Variants in RYR3 observed in about 807,000 individuals in gnomAD.
The protein encoded by RYR3 is brain ryanodine receptor-calcium release channel.
RYR3 carries 207 observed loss-of-function variants against 584.3 expected under a neutral mutation model. That is an observed-to-expected ratio of 0.35 (90% CI 0.32 to 0.40). The LOEUF is 0.40. Ranked by LOEUF, RYR3 falls within the 10% of genes least tolerant of loss-of-function variation. The pLI is 1.00. For synonymous variants in RYR3, 2,416 were observed against 2,248.5 expected, an observed-to-expected ratio of 1.07 and a Z score of -2.11; for missense variants, 5,616 against 6,089.2, an observed-to-expected ratio of 0.92 and a Z score of 2.59.
At position 33,410,751 on chromosome 15, in the gene RYR3, G is replaced by A. The variant is rs924553864; in HGVS notation, c.52-62668G>A. 9.8e-5 allele frequency among the ~76,000 whole-genome samples: 15 copies of A among 152,290 alleles called. No individual in the cohort carries two copies. In the East Asian group the frequency reaches 2.3e-3, roughly 24 times the overall value. On this transcript the variant is annotated intron_variant, in intron 1 of 103. Coordinates refer to ENST00000634891, the MANE Select transcript of RYR3 (RefSeq NM_001036.6). ...GAAGGCCACGAGAGGAACCATGGAC[G>A]CTGTATTAGTCTGTTCTCATGCTCC... is the stretch of plus-strand genomic sequence containing the variant.
Position 33,725,795 on chromosome 15 carries a change from TA to T in RYR3, c.6913-575del, listed in dbSNP as rs3086219. The stretch of plus-strand genomic sequence containing the variant: ...TGACATGATGAAACCCCGTCTCTAC[TA>T]AAAAAAAAAAAAAAATACAAAAAAT... On this transcript the variant is annotated intron_variant, in intron 45 of 103. Coordinates refer to ENST00000634891, the MANE Select transcript of RYR3 (RefSeq NM_001036.6). Among the ~76,000 whole-genome samples the T allele has an allele frequency of 7.2e-4, 94 of 130,440 alleles. 1 individual carries two copies. The highest frequency in any genetic ancestry group is 1.0e-3 in the African/African-American group (36 of 34,826). 85.6% of individuals were successfully genotyped at this position (130,440 alleles called of 152,430 possible). A position where few individuals can be genotyped will look rare whatever the true frequency, so the allele number is the denominator to read the frequency against.
Position 33,563,001 on chromosome 15 carries a change from A to G in RYR3, c.1137A>G (p.Leu379=), listed in dbSNP as rs764952675. ...CCAAAACTTCCCGCCTGGGACCTCT[A>G]AAAAGAAAGGTGAGAGTCAGAATAT... The part of the protein sequence containing the change: ...QDAKTSRLGP[L]KRKVILHQEG... The change falls in exon 11 of 104, where the codon CTA becomes CTG. Residue 379 remains leucine, a synonymous_variant. Transcript: ENST00000634891. 9 of 1,608,658 alleles carry G rather than the reference A, an allele frequency of 5.6e-6. No individual in the cohort carries two copies. Among genetic ancestry groups the G allele is most frequent in the Non-Finnish European group, 7.6e-6 (9 of 1,177,108 alleles).
intron 64 of RYR3, among the ~76,000 whole-genome samples, chr15:33,779,660 G>A (rs562130403): frequency 6.6e-6 from 1 of 152,146 alleles, no homozygotes; most frequent in Non-Finnish European, 1.5e-5. Context: ...CACATGCTGG[G>A]AGAGAGGGAC....
At chr15:33,789,986 CTTTTTTTTTT>C (rs757370991) in intron 67 of RYR3, among the ~76,000 whole-genome samples, 3 of 53,250 alleles carry the variant, frequency 5.6e-5, no homozygotes, top group Non-Finnish European at 9.4e-5. Context: ...GCCTGGCCTT[CTTTTTTTTTT>C]TTTTTTTTTT....
intron 1 of RYR3, among the ~76,000 whole-genome samples, chr15:33,424,797 A>G (rs138110059): frequency 0.021 from 3,270 of 152,234 alleles, 44 homozygotes; most frequent in South Asian, 0.045. Flanking sequence ...TATGATGAGC[A>G]CTATAGGGCC....
intron 12 of RYR3, among the ~76,000 whole-genome samples, chr15:33,576,629 G>A (rs2058313679): frequency 6.6e-6 from 1 of 152,060 alleles, no homozygotes; most frequent in South Asian, 2.1e-4. Context: ...AATAATAAAA[G>A]CCATTTATGA....
intron 14 of RYR3, among the ~76,000 whole-genome samples, chr15:33,581,981 C>A (rs2058617829): frequency 6.6e-6 from 1 of 152,230 alleles, no homozygotes. Flanking sequence ...GCAAAGATAT[C>A]ACCTGTACTT....
At chr15:33,778,844 C>A (rs1596545507) in intron 64 of RYR3, among the ~76,000 whole-genome samples, 1 of 152,296 alleles carries the variant, frequency 6.6e-6, no homozygotes, top group East Asian at 1.9e-4. Flanking sequence ...TGACTGAGGA[C>A]CTGTCAATCC....
At chr15:33,860,780 T>G (rs1189857578) in intron 101 of RYR3, 121 bp downstream of exon 101, 6 of 807,238 alleles carry the variant, frequency 7.4e-6, no homozygotes, top group Non-Finnish European at 1.2e-5. Flanking sequence ...CGCAGTTTGT[T>G]TTCCATGCCC....
rs1267030827 is a variant in RYR3 at position 33,624,033 on chromosome 15, A to C, written c.2574+10A>C. On this transcript the variant is annotated intron_variant, in intron 20 of 103. Coordinates refer to ENST00000634891, the MANE Select transcript of RYR3 (RefSeq NM_001036.6). ...CGTAGACACCAGTCAGGTAGGTTCA[A>C]ATTGCCCGCAGAAGGCAACCAATAT... is the stretch of plus-strand genomic sequence containing the variant. 8 of 1,600,854 alleles carry C rather than the reference A, an allele frequency of 5.0e-6. No individual in the cohort carries two copies. Among genetic ancestry groups the C allele is most frequent in the African/African-American group, 1.3e-5 (1 of 74,570 alleles).
chr15:33,696,386 C>T lies in RYR3; in HGVS notation c.6029C>T (p.Ser2010Phe). ...AAGACCTACACCATCAGCCACACCT[C>T]TGTAAGCGACACCATCAACCTGCTG... ...LRKTYTISHT[S>F]VSDTINLLAA... is the part of the protein sequence containing the mutation. The change falls in exon 39 of 104, where the codon TCT becomes TTT. Residue 2010 changes from serine to phenylalanine, a missense_variant. By Grantham distance (155) the Ser-to-Phe change is radical. Transcript: ENST00000634891. 6.2e-7 allele frequency: 1 copy of T among 1,613,964 alleles called. No individual in the cohort carries two copies. The highest frequency in any genetic ancestry group is 8.5e-7 in the Non-Finnish European group (1 of 1,179,884).
At chr15:33,770,488 A>T (rs1241708191) in intron 62 of RYR3, among the ~76,000 whole-genome samples, 2 of 152,242 alleles carry the variant, frequency 1.3e-5, no homozygotes, top group Non-Finnish European at 2.9e-5. Context: ...GCAGTGGCTC[A>T]CGCCTGTAAT....
In RYR3 at chr15:33,567,526, A is replaced by G. The variant is rs2057779386; in HGVS notation, c.1268+727A>G. 2.0e-5 allele frequency among the ~76,000 whole-genome samples: 3 copies of G among 152,182 alleles called. No individual in the cohort carries two copies. In the South Asian group the frequency reaches 6.2e-4, roughly 32 times the overall value. ...CTTGCTGTTGAAGGACTGCAGTCCA[A>G]GGGATGTGTATTAGGAAATAGAATA... On this transcript the variant is annotated intron_variant, in intron 12 of 103. Coordinates refer to ENST00000634891, the MANE Select transcript of RYR3 (RefSeq NM_001036.6).
intron 38 of RYR3, among the ~76,000 whole-genome samples, chr15:33,675,335 C>T (rs989007234): frequency 6.6e-6 from 1 of 152,158 alleles, no homozygotes; most frequent in East Asian, 1.9e-4. Flanking sequence ...GAAGTAAAGA[C>T]AGAGTAAGTA....
At chr15:33,484,771 CAGAG>C (rs1312975998) in intron 2 of RYR3, among the ~76,000 whole-genome samples, 13 of 151,936 alleles carry the variant, frequency 8.6e-5, no homozygotes, top group Non-Finnish European at 1.9e-4. Flanking sequence ...TAAAGGAAGA[CAGAG>C]GGAGGAGATG....
At chr15:33,376,802 G>T (rs758664579) in intron 1 of RYR3, among the ~76,000 whole-genome samples, 2 of 152,188 alleles carry the variant, frequency 1.3e-5, no homozygotes, top group African/African-American at 2.4e-5. Context: ...TTCGTATATG[G>T]AATGAGTTAG....
intron 3 of RYR3, among the ~76,000 whole-genome samples, chr15:33,527,611 T>C (rs918662214): frequency 1.3e-5 from 2 of 149,078 alleles, no homozygotes; most frequent in African/African-American, 2.5e-5. Flanking sequence ...AGGCGTATCA[T>C]ATTTCACCCA....
chr15:33,338,191 C>A (rs985341748), intron 1 of RYR3, among the ~76,000 whole-genome samples: 1 of 151,934 alleles, frequency 6.6e-6, no homozygotes, highest in Admixed American at 6.6e-5. Flanking sequence ...GTGATCTGCC[C>A]GTCTTGGCCT....
chr15:33,862,397 G>C (rs144330439), intron 102 of RYR3, among the ~76,000 whole-genome samples: 1 of 151,886 alleles, frequency 6.6e-6, no homozygotes, highest in South Asian at 2.1e-4. Flanking sequence ...GGTAGAGAAG[G>C]GGCTTTGCTG....
Sources: allele counts gnomAD v4.1 joint callset (sites outside exome capture counted in the v4.1 genomes callset), GRCh38; gene constraint gnomAD v4.1.1; transcripts MANE v1.5; gene names NCBI Gene and HGNC (gene_info 2026-07-23, HGNC 2026-07-21).